Variants in AKNA observed in about 807,000 individuals in gnomAD.
The protein encoded by AKNA is microtubule organization protein AKNA.
In AKNA, 67 loss-of-function variants were observed where a neutral mutation model predicts 138.8. The observed-to-expected ratio is 0.48, with a 90% CI of 0.40 to 0.59. The LOEUF is 0.59. AKNA is among the 20% of genes least tolerant of loss of function. The pLI is 0.00. For synonymous variants in AKNA, 737 were observed against 754.4 expected (o/e 0.98, Z 0.38); for missense variants, 1,813 against 1,880.4 (o/e 0.96, Z 0.66).
upstream of AKNA, among the ~76,000 whole-genome samples, chr9:114,389,067 G>A (rs1834230846): frequency 6.6e-6 from 1 of 152,158 alleles, no homozygotes; most frequent in Non-Finnish European, 1.5e-5. Context: ...ATGAGGAGGT[G>A]ACATTCAAAT....
chr9:114,341,581 A>G lies in AKNA; in HGVS notation c.4019T>C (p.Phe1340Ser). The G allele has an allele frequency of 1.9e-6, 3 of 1,614,044 alleles. No individual in the cohort carries two copies. The South Asian group carries it at 3.3e-5, about 18-fold the overall frequency. ...TAPPAPAPPA[F>S]AYISSVPIMP... ...GATGGGAACCGAGGAGATGTAGGCAAAGGCTGGAGGGGCTGGTGCTGGGGG... is the reference window on the plus strand; with the variant it reads ...GATGGGAACCGAGGAGATGTAGGCAGAGGCTGGAGGGGCTGGTGCTGGGGG... The change falls in exon 21 of 22, where the codon TTT becomes TCT. Residue 1340 changes from phenylalanine to serine, a missense_variant. Transcript: ENST00000374088.
chr9:114,359,550 T>A (rs373012348), intron 11 of AKNA, 44 bp downstream of exon 11: 1 of 1,612,742 alleles, frequency 6.2e-7, no homozygotes, highest in Non-Finnish European at 8.5e-7. Flanking sequence ...CCTGTGGTTT[T>A]AGGGTGGAAA....
chr9:114,381,899 T>C (rs1366580359), intron 1 of AKNA, among the ~76,000 whole-genome samples: 2 of 152,164 alleles, frequency 1.3e-5, no homozygotes, highest in Non-Finnish European at 2.9e-5. Flanking sequence ...TCCACCCGCC[T>C]TGGCCTCCCA....
chr9:114,331,878 C>G, downstream of AKNA: 4 of 1,613,844 alleles, frequency 2.5e-6, no homozygotes, highest in Non-Finnish European at 3.4e-6. Flanking sequence ...ACGAAGCTCT[C>G]GACTGCTTGT....
upstream of AKNA, among the ~76,000 whole-genome samples, chr9:114,396,115 G>C (rs569186640): frequency 2.8e-4 from 43 of 151,902 alleles, no homozygotes; most frequent in Admixed American, 4.6e-4. Flanking sequence ...TCTGTGTAGG[G>C]CTCTGTACTA....
Position 114,361,863 on chromosome 9 carries a change from C to T in AKNA, c.1965G>A (p.Leu655=), listed in dbSNP as rs746660807. The T allele has an allele frequency of 6.8e-6, 11 of 1,609,212 alleles. No homozygotes were observed. In the East Asian group the frequency reaches 2.5e-4, roughly 36 times the overall value. The change falls in exon 9 of 22, where the codon CTG becomes CTA. Residue 655 remains leucine (L), a synonymous_variant. Coordinates refer to ENST00000374088, the MANE Select transcript of AKNA (RefSeq NM_001317950.2). ...GCTGGGTCTGGTCTATGTGTTCCTT[C>T]AGCTCTTCCAGGCAGCTTCCCAGAC... The part of the protein sequence containing the change: ...IYRLGSCLEE[L]KEHIDQTQQE...
chr9:114,372,968 G>GC (rs992953868), intron 4 of AKNA, among the ~76,000 whole-genome samples: 2 of 137,410 alleles, frequency 1.5e-5, no homozygotes, highest in Admixed American at 7.0e-5. Context: ...ACGCAGCGGG[G>GC]GGGGGGGGGG....
chr9:114,367,811 C>T (rs1832474810), intron 5 of AKNA, 114 bp from the exon 6 acceptor site: 2 of 1,199,042 alleles, frequency 1.7e-6, no homozygotes, highest in Admixed American at 5.8e-5. Context: ...GCTCAGTCAC[C>T]ATGTGCGATC....
rs758181184 is a variant in AKNA at position 114,381,213 on chromosome 9, A to T, written c.121T>A (p.Trp41Arg). Residue 41 changes from tryptophan to arginine, a missense_variant, in exon 2 of 22, where the codon TGG becomes AGG. Trp to Arg is a moderately radical substitution (Grantham distance 101, BLOSUM62 -3). Coordinates refer to ENST00000374088, the MANE Select transcript of AKNA (RefSeq NM_001317950.2). ...TTGGGAAAGAGTCTCTCTTCTTCCC[A>T]GCTTTGTGAACTACTTCTATCCACA... The part of the protein sequence containing the change: ...RDVDRSSSQS[W>R]EEERLFPNAT... The T allele has an allele frequency of 1.5e-5, 25 of 1,614,000 alleles. No homozygotes were observed. In the Middle Eastern group the frequency reaches 4.9e-4, roughly 32 times the overall value.
At chr9:114,382,540 G>A (rs1451111338) in intron 1 of AKNA, among the ~76,000 whole-genome samples, 4 of 146,946 alleles carry the variant, frequency 2.7e-5, no homozygotes, top group South Asian at 2.1e-4. Context: ...CCATGACAGC[G>A]CCACTGCACT....
upstream of AKNA, among the ~76,000 whole-genome samples, chr9:114,389,973 T>C (rs144096761): frequency 1.2e-3 from 185 of 152,192 alleles, 2 homozygotes; most frequent in East Asian, 3.7e-3. Flanking sequence ...CAAACCCTAA[T>C]GAGGCCCCTC....
intron 21 of AKNA, among the ~76,000 whole-genome samples, chr9:114,340,910 C>A (rs1250505053): frequency 6.6e-6 from 1 of 152,166 alleles, no homozygotes; most frequent in South Asian, 2.1e-4. Context: ...CAATCGCATA[C>A]CACATGGGAT....
intron 4 of AKNA, among the ~76,000 whole-genome samples, chr9:114,369,043 TTTC>T (rs1439330646): frequency 6.6e-6 from 1 of 152,250 alleles, no homozygotes; most frequent in African/African-American, 2.4e-5. Flanking sequence ...AATATAAGCA[TTTC>T]TAATAATTAT....
intron 3 of AKNA, chr9:114,375,986 C>G (rs1317108407): frequency 2.6e-5 from 12 of 453,974 alleles, no homozygotes; most frequent in Non-Finnish European, 4.4e-5. Context: ...GCTTCCTGCC[C>G]AAGCCAGCCT....
At chr9:114,389,003 G>A (rs552820559), upstream of AKNA, among the ~76,000 whole-genome samples, 1 of 152,226 alleles carries the variant, frequency 6.6e-6, no homozygotes, top group Non-Finnish European at 1.5e-5. Context: ...AACACATGGG[G>A]CCAAGAGTAA....
chr9:114,359,911 T>C lies in AKNA; in HGVS notation c.2276A>G (p.His759Arg). 6.2e-7 allele frequency: 1 copy of C among 1,614,186 alleles called. No individual in the cohort carries two copies. The highest frequency in any genetic ancestry group is 8.5e-7 in the Non-Finnish European group (1 of 1,180,020). Reference sequence around the variant, plus strand: ...TGGCACTCACCGCTCCATGAGGCCATGGTAAACTTGCTCCATCTGCAGCTC... The same window carrying C: ...TGGCACTCACCGCTCCATGAGGCCACGGTAAACTTGCTCCATCTGCAGCTC... ...HKELQMEQVY[H>R]GLMERYLSVK... is the part of the protein sequence containing the mutation. The change falls in exon 10 of 22, where the codon CAT (histidine) becomes CGT (arginine). Residue 759 changes from histidine (H) to arginine (R), a missense_variant. Transcript: ENST00000374088.
intron 20 of AKNA, 131 bp from the exon 21 acceptor site, chr9:114,341,856 G>T: frequency 7.6e-7 from 1 of 1,314,736 alleles, no homozygotes. Context: ...TCCATGTCGG[G>T]GAGGTCTCTC....
chr9:114,355,719 C>G (rs1831451506), intron 14 of AKNA, among the ~76,000 whole-genome samples: 1 of 152,320 alleles, frequency 6.6e-6, no homozygotes, highest in Admixed American at 6.5e-5. Flanking sequence ...CAGAGAACAG[C>G]TCACAGGTTC....
At chr9:114,330,995 A>G (rs981712837), downstream of AKNA, 74 of 684,826 alleles carry the variant, frequency 1.1e-4, no homozygotes, top group Non-Finnish European at 1.7e-4. Context: ...AGCTCTTACC[A>G]CGTGCTCAGA....
Sources: gnomAD v4.1 joint callset for allele counts (sites outside exome capture counted in the v4.1 genomes callset) on GRCh38, gnomAD v4.1.1 for gene constraint, MANE v1.5 for transcripts, NCBI Gene and HGNC (gene_info 2026-07-23, HGNC 2026-07-21) for gene names.